The following CASD1 variants were observed in gnomAD, a reference collection of about 807,000 sequenced individuals.
CASD1 encodes the protein N-acetylneuraminate (7)9-O-acetyltransferase.
In CASD1, 41 loss-of-function variants were observed where a neutral mutation model predicts 100.0. The ratio of observed to expected loss-of-function variants is 0.41; its 90% confidence interval spans 0.32 to 0.53. The LOEUF (loss-of-function observed/expected upper bound fraction) is 0.53. Ranked by LOEUF, CASD1 falls within the 20% of genes least tolerant of loss-of-function variation. CASD1 has a pLI of 0.25. For missense variants in CASD1, 774 were observed against 948.7 expected (o/e 0.82, Z 2.42); for synonymous variants, 321 against 315.6 (o/e 1.02, Z -0.18).
At chr7:94,622,753 A>C in the CASD1 span, 109 of 152,316 alleles carry the variant, frequency 7.2e-4, no homozygotes, top group African/African-American at 2.5e-3. Flanking sequence ...TTCTTAGGAA[A>C]TCACTTACAA....
chr7:94,510,814 A>G (rs1793668349), intron 1 of CASD1, among the ~76,000 whole-genome samples: 1 of 152,256 alleles, frequency 6.6e-6, no homozygotes, highest in Non-Finnish European at 1.5e-5. Flanking sequence ...GGCCAAATGG[A>G]AGAGGTGCCA....
chr7:94,549,548 ATCTTTTC>A lies in CASD1; in HGVS notation c.1735_1741del (p.Ser579GlyfsTer9). 6.2e-7 allele frequency: 1 copy of A among 1,609,068 alleles called. No individual in the cohort carries two copies. The highest frequency in any genetic ancestry group is 2.2e-5 in the East Asian group (1 of 44,632). ...CTTTTTTCAGGGTGCATTTGAGAAG[ATCTTTTC>A]TCTTTGGCCATTGTCCAAGTGTTTT... On this transcript the variant is annotated frameshift_variant, in exon 14 of 18. Transcript: ENST00000297273. LOFTEE classifies it high-confidence loss of function.
the CASD1 span, among the ~76,000 whole-genome samples, chr7:94,569,429 G>A: frequency 1.9e-3 from 288 of 152,078 alleles, 2 homozygotes; most frequent in African/African-American, 6.7e-3. Context: ...ATATTGCTAA[G>A]TGAAAAAAAA....
the CASD1 span, chr7:94,624,326 A>G: frequency 2.5e-6 from 1 of 397,532 alleles, no homozygotes; most frequent in African/African-American, 2.1e-5. Flanking sequence ...AATATCAAAG[A>G]TTTTTATACA....
chr7:94,623,750 A>G, the CASD1 span: 3 of 395,984 alleles, frequency 7.6e-6, no homozygotes, highest in Non-Finnish European at 8.9e-6. Context: ...AAAAAAAACA[A>G]TAATTTTTGT....
the CASD1 span, chr7:94,589,754 AC>A: frequency 1.1e-5 from 2 of 182,068 alleles, no homozygotes; most frequent in Admixed American, 6.1e-5. Flanking sequence ...GTCCCCCATC[AC>A]CCCCTGATGG....
At chr7:94,519,488 C>A (rs1794146182) in intron 3 of CASD1, among the ~76,000 whole-genome samples, 1 of 152,126 alleles carries the variant, frequency 6.6e-6, no homozygotes, top group Admixed American at 6.5e-5. Context: ...TCTTTAGCAA[C>A]TATTCCATGT....
chr7:94,528,106 A>G lies in CASD1; in HGVS notation c.397-82A>G, dbSNP rs1408507536. 4 of 957,668 alleles carry G rather than the reference A, an allele frequency of 4.2e-6. No individual in the cohort carries two copies. The African/African-American group carries it at 6.6e-5, about 16-fold the overall frequency. 59.3% of individuals were successfully genotyped at this position (957,668 alleles called of 1,614,324 possible). A position where few individuals can be genotyped will look rare whatever the true frequency, so the allele number is the denominator to read the frequency against. On this transcript the variant is annotated intron_variant, in intron 4 of 17. Coordinates refer to ENST00000297273, the MANE Select transcript of CASD1 (RefSeq NM_022900.5). ...AGTGTTTTACTTTTAAGTACTCTGT[A>G]AGAGAATGTTAATGTTTATTTTGAA... is the stretch of plus-strand genomic sequence containing the variant.
chr7:94,520,665 T>TA (rs1193629977), intron 3 of CASD1, among the ~76,000 whole-genome samples: 2 of 152,152 alleles, frequency 1.3e-5, no homozygotes, highest in African/African-American at 4.8e-5. Context: ...GTTTAAAAAA[T>TA]ACTGTTGATG....
chr7:94,600,386 C>G, the CASD1 span: 3 of 416,708 alleles, frequency 7.2e-6, no homozygotes, highest in Admixed American at 4.0e-5. Context: ...CTCAATTATT[C>G]TTGGGACTGT....
chr7:94,596,087 G>C, the CASD1 span, among the ~76,000 whole-genome samples: 1 of 151,986 alleles, frequency 6.6e-6, no homozygotes, highest in South Asian at 2.1e-4. Flanking sequence ...TTAAAAATAC[G>C]TATGTGTTTA....
chr7:94,509,992 C>G lies in CASD1; in HGVS notation c.-93C>G. On this transcript the variant is annotated 5_prime_UTR_variant, in exon 1 of 18. Coordinates refer to ENST00000297273, the MANE Select transcript of CASD1 (RefSeq NM_022900.5). ...CGGCCTGGGGAGCTGGCGGCCGCTCCTCGCCTGGCTGCAGCGGCGGCAGCC... is the reference window on the plus strand; with the variant it reads ...CGGCCTGGGGAGCTGGCGGCCGCTCGTCGCCTGGCTGCAGCGGCGGCAGCC... 5 of 1,271,910 alleles carry G rather than the reference C, an allele frequency of 3.9e-6. No homozygotes were observed. The highest frequency in any genetic ancestry group is 5.0e-6 in the Non-Finnish European group (5 of 998,040). The allele number at this position is 1,271,910 out of a possible 1,614,324, so 78.8% of individuals were successfully genotyped here.
the CASD1 span, among the ~76,000 whole-genome samples, chr7:94,595,542 G>A: frequency 6.6e-6 from 1 of 152,066 alleles, no homozygotes; most frequent in East Asian, 1.9e-4. Context: ...GTACAAGACA[G>A]CATTATCCAA....
At chr7:94,595,339 A>G in the CASD1 span, among the ~76,000 whole-genome samples, 1 of 152,284 alleles carries the variant, frequency 6.6e-6, no homozygotes, top group East Asian at 1.9e-4. Flanking sequence ...AGCTTTGAAT[A>G]TTCTTGAGTC....
the CASD1 span, chr7:94,618,682 C>A: frequency 8.1e-7 from 1 of 1,227,090 alleles, no homozygotes; most frequent in Non-Finnish European, 1.2e-6. Flanking sequence ...AGGCCATCTT[C>A]CATCTATAAT....
At chr7:94,610,603 T>C in the CASD1 span, among the ~76,000 whole-genome samples, 1 of 152,156 alleles carries the variant, frequency 6.6e-6, no homozygotes, top group East Asian at 1.9e-4. Context: ...TAGGCAATGA[T>C]TCTTAAAATA....
At chr7:94,600,247 A>G in the CASD1 span, 1 of 207,734 alleles carries the variant, frequency 4.8e-6, no homozygotes, top group Non-Finnish European at 9.8e-6. Flanking sequence ...TTGACAGCAG[A>G]ATGATTTCAA....
chr7:94,598,527 G>A, the CASD1 span: 1 of 461,896 alleles, frequency 2.2e-6, no homozygotes, highest in Non-Finnish European at 3.9e-6. Context: ...TAATATCAGT[G>A]TCAATTTCTT....
the CASD1 span, chr7:94,597,093 C>T: frequency 6.6e-6 from 1 of 152,244 alleles, no homozygotes; most frequent in African/African-American, 2.4e-5. Flanking sequence ...AGGTGGGCTA[C>T]TGACCACCAG....
Sources: allele counts gnomAD v4.1 joint callset (sites outside exome capture counted in the v4.1 genomes callset), GRCh38; gene constraint gnomAD v4.1.1; transcripts MANE v1.5; gene names NCBI Gene and HGNC (gene_info 2026-07-23, HGNC 2026-07-21).